SCAF11: variants seen among roughly 807,000 people sequenced by gnomAD.
The protein encoded by SCAF11 is SR-related CTD associated factor 11, also known as protein SCAF11.
A neutral mutation model predicts 140.5 loss-of-function variants in SCAF11; 47 were observed. The ratio of observed to expected loss-of-function variants is 0.33; its 90% CI spans 0.26 to 0.43. SCAF11 has a LOEUF of 0.43. Ranked by LOEUF, SCAF11 falls within the 20% of genes least tolerant of loss-of-function variation. The probability of loss-of-function intolerance (pLI) is 1.00; values close to 1 mark genes in which losing one functional copy is unlikely to be tolerated. For synonymous variants in SCAF11, 557 were observed against 579.4 expected (o/e 0.96, Z 0.55); for missense variants, 1,645 against 1,705.1 (o/e 0.96, Z 0.62).
intron 6 of SCAF11, among the ~76,000 whole-genome samples, chr12:45,937,355 T>C (rs1339819683): frequency 6.6e-6 from 1 of 152,214 alleles, no homozygotes; most frequent in Non-Finnish European, 1.5e-5. Context: ...TGATAAAATA[T>C]CCCTTCTTTC....
intron 1 of SCAF11, among the ~76,000 whole-genome samples, chr12:45,983,324 G>A (rs1946386491): frequency 6.6e-6 from 1 of 152,128 alleles, no homozygotes; most frequent in South Asian, 2.1e-4. Context: ...TTAGGACTAA[G>A]CTCCCCTAGG....
At chr12:45,934,331 G>T in intron 7 of SCAF11, 46 bp from the exon 8 acceptor site, 1 of 1,393,914 alleles carries the variant, frequency 7.2e-7, no homozygotes, top group Non-Finnish European at 1.0e-6. Flanking sequence ...TAAATAACAG[G>T]TAAATAATAG....
At chr12:45,979,633 T>C (rs556623984) in intron 1 of SCAF11, among the ~76,000 whole-genome samples, 2 of 152,262 alleles carry the variant, frequency 1.3e-5, no homozygotes, top group South Asian at 4.1e-4. Flanking sequence ...AAAAAGCAAT[T>C]ATCTTGCACA....
chr12:45,920,998 T>C lies in SCAF11; in HGVS notation c.*1050A>G, dbSNP rs1417724789. The C allele has an allele frequency of 6.6e-6, 1 of 152,164 alleles. No individual in the cohort carries two copies. The highest frequency in any genetic ancestry group is 1.5e-5 in the Non-Finnish European group (1 of 68,036). The allele number at this position is 152,164 out of a possible 1,614,324, so 9.4% of individuals were successfully genotyped here. Reference sequence around the variant, plus strand: ...GTCAACACTTTTTTTTTTCTTTTTTTTGAGACGGAGATTTGCTCCTGTTGC... The same window carrying C: ...GTCAACACTTTTTTTTTTCTTTTTTCTGAGACGGAGATTTGCTCCTGTTGC... On this transcript the variant is annotated 3_prime_UTR_variant, in exon 15 of 15. Coordinates refer to ENST00000369367, the MANE Select transcript of SCAF11 (RefSeq NM_004719.3).
Position 45,922,455 on chromosome 12 carries a change from T to C in SCAF11, c.4245+8A>G. On this transcript the variant is annotated splice_region_variant and intron_variant, in intron 14 of 14. Coordinates refer to ENST00000369367, the MANE Select transcript of SCAF11 (RefSeq NM_004719.3). ...ACGTGCACATACTCCACTAAAGCCA[T>C]AACTTACTTTATCTACTGCTTTCCG... is the stretch of plus-strand genomic sequence containing the variant. The C allele has an allele frequency of 6.3e-7, 1 of 1,599,540 alleles. No individual in the cohort carries two copies. The highest frequency in any genetic ancestry group is 1.1e-5 in the South Asian group (1 of 87,240).
At chr12:45,986,196 T>C (rs888736765) in intron 1 of SCAF11, among the ~76,000 whole-genome samples, 1 of 152,188 alleles carries the variant, frequency 6.6e-6, no homozygotes, top group African/African-American at 2.4e-5. Context: ...ATACTCTTCC[T>C]CTGAATTTCA....
intron 1 of SCAF11, chr12:45,974,670 CT>C (rs1946191649): frequency 5.9e-6 from 1 of 169,698 alleles, no homozygotes; most frequent in Admixed American, 5.8e-5. Flanking sequence ...AATAGTTCTC[CT>C]GCTGTTTATA....
intron 1 of SCAF11, among the ~76,000 whole-genome samples, chr12:45,983,783 A>ACACACACAACTAATTTTTACCTTACTGT (rs1209868233): frequency 1.3e-5 from 2 of 151,554 alleles, no homozygotes; most frequent in African/African-American, 4.9e-5. Flanking sequence ...ACACACACAC[A>ACACACACAACTAATTTTTACCTTACTGT]CAAAGACTGA....
rs548594176 is a variant in SCAF11 at position 45,922,348 on chromosome 12, G to A, written c.4245+115C>T. 6 of 1,481,666 alleles carry A rather than the reference G, an allele frequency of 4.0e-6. No individual in the cohort carries two copies. The African/African-American group carries it at 5.7e-5, about 14-fold the overall frequency. The allele number at this position is 1,481,666 out of a possible 1,614,324, so 91.8% of individuals were successfully genotyped here. A position where few individuals can be genotyped will look rare whatever the true frequency, so the allele number is the denominator to read the frequency against. ...AAACTAATCAAAAGGCAAAAAAGTA[G>A]ACAGGAATTAGTAGGAGCTAGCTTT... On this transcript the variant is annotated intron_variant, in intron 14 of 14. Coordinates refer to ENST00000369367, the MANE Select transcript of SCAF11 (RefSeq NM_004719.3).
intron 5 of SCAF11, among the ~76,000 whole-genome samples, chr12:45,946,558 A>G (rs1592189408): frequency 6.6e-6 from 1 of 152,192 alleles, no homozygotes; most frequent in Non-Finnish European, 1.5e-5. Flanking sequence ...AGACTCAAAT[A>G]AGAGCTGTGA....
At chr12:45,990,830 G>A (rs1434772283), upstream of SCAF11, among the ~76,000 whole-genome samples, 1 of 152,214 alleles carries the variant, frequency 6.6e-6, no homozygotes, top group Non-Finnish European at 1.5e-5. Flanking sequence ...CCTGTGAGCG[G>A]GAGGAAGGGC....
chr12:45,953,413 G>T (rs1945596741), intron 3 of SCAF11, among the ~76,000 whole-genome samples: 1 of 152,152 alleles, frequency 6.6e-6, no homozygotes, highest in African/African-American at 2.4e-5. Context: ...GCATGGTGGT[G>T]CATGCCTGTA....
chr12:45,961,108 G>C, intron 3 of SCAF11: 1 of 519,468 alleles, frequency 1.9e-6, no homozygotes, highest in Non-Finnish European at 3.5e-6. Context: ...CTCTAATTCA[G>C]ACTCTGAAAT....
At chr12:45,990,663 A>G (rs1250107113), upstream of SCAF11, 2 of 1,096,492 alleles carry the variant, frequency 1.8e-6, no homozygotes, top group Admixed American at 4.3e-5. Flanking sequence ...TCGGCGCGCT[A>G]AGGTGACGAC....
intron 1 of SCAF11, among the ~76,000 whole-genome samples, chr12:45,978,445 T>C (rs912660803): frequency 1.3e-5 from 2 of 152,202 alleles, no homozygotes; most frequent in African/African-American, 4.8e-5. Flanking sequence ...GTTATACATT[T>C]GGAAAAGTAG....
intron 1 of SCAF11, among the ~76,000 whole-genome samples, chr12:45,964,679 C>A (rs374820834): frequency 6.7e-6 from 1 of 149,374 alleles, no homozygotes; most frequent in South Asian, 2.1e-4. Flanking sequence ...AAAAAAAAAA[C>A]GGAAAGGAAA....
chr12:45,948,803 TAG>T (rs1945484461), intron 4 of SCAF11, among the ~76,000 whole-genome samples: 1 of 152,092 alleles, frequency 6.6e-6, no homozygotes, highest in Non-Finnish European at 1.5e-5. Flanking sequence ...TATATACATA[TAG>T]GACTCAGAAA....
intron 6 of SCAF11, among the ~76,000 whole-genome samples, chr12:45,940,027 T>TTTC (rs1417196004): frequency 6.6e-6 from 1 of 152,222 alleles, no homozygotes; most frequent in African/African-American, 2.4e-5. Flanking sequence ...GACAGACTCA[T>TTTC]TTCTGCCCCT....
At chr12:45,953,662 AG>A (rs1251732850) in intron 3 of SCAF11, among the ~76,000 whole-genome samples, 1 of 152,208 alleles carries the variant, frequency 6.6e-6, no homozygotes, top group Admixed American at 6.5e-5. Flanking sequence ...CATTAAAAAA[AG>A]GTTATGTGGT....
Sources: allele counts gnomAD v4.1 joint callset (sites outside exome capture counted in the v4.1 genomes callset), GRCh38; gene constraint gnomAD v4.1.1; transcripts MANE v1.5; gene names NCBI Gene and HGNC (gene_info 2026-07-23, HGNC 2026-07-21).